XPO4: variants seen among roughly 807,000 people sequenced by gnomAD.
XPO4 encodes the protein exportin-4.
A neutral mutation model predicts 143.0 loss-of-function variants in XPO4; 39 were observed. The observed-to-expected ratio is 0.27, with a 90% CI of 0.21 to 0.36. The LOEUF (loss-of-function observed/expected upper bound fraction) is 0.36, where lower values mean the gene tolerates loss of function less well. Ranked by LOEUF, XPO4 falls within the 10% of genes least tolerant of loss-of-function variation. The probability of loss-of-function intolerance (pLI) is 1.00; values close to 1 mark genes in which losing one functional copy is unlikely to be tolerated. For missense variants in XPO4, 907 were observed against 1,348.0 expected, an observed-to-expected ratio of 0.67 and a Z score of 5.12; for synonymous variants, 439 against 474.0, an observed-to-expected ratio of 0.93 and a Z score of 0.96.
intron 1 of XPO4, among the ~76,000 whole-genome samples, chr13:20,871,624 T>C (rs1404970291): frequency 6.6e-6 from 1 of 152,256 alleles, no homozygotes; most frequent in Non-Finnish European, 1.5e-5. Context: ...CATGTTATAC[T>C]GCTACAAATA....
intron 9 of XPO4, among the ~76,000 whole-genome samples, chr13:20,817,494 G>A (rs1024465480): frequency 2.6e-5 from 4 of 152,080 alleles, no homozygotes; most frequent in Non-Finnish European, 4.4e-5. Flanking sequence ...CTAGATGTAA[G>A]GTTCTTCCTT....
chr13:20,801,300 T>C (rs1425800538), intron 13 of XPO4, among the ~76,000 whole-genome samples: 2 of 152,220 alleles, frequency 1.3e-5, no homozygotes, highest in African/African-American at 4.8e-5. Context: ...TTTCAGATTT[T>C]CAGGAGAAAT....
chr13:20,843,948 C>T, intron 4 of XPO4, 62 bp from the exon 5 acceptor site: 1 of 1,261,346 alleles, frequency 7.9e-7, no homozygotes, highest in Non-Finnish European at 1.2e-6. Flanking sequence ...TGTTTCAATG[C>T]ATTTGTTCAA....
At chr13:20,874,016 T>C (rs779570745) in intron 1 of XPO4, among the ~76,000 whole-genome samples, 6 of 152,208 alleles carry the variant, frequency 3.9e-5, no homozygotes, top group Admixed American at 6.5e-5. Flanking sequence ...AATTGTTGCA[T>C]GCCCAAGATG....
intron 9 of XPO4, among the ~76,000 whole-genome samples, chr13:20,813,561 C>T (rs751479886): frequency 2.2e-4 from 34 of 152,136 alleles, no homozygotes; most frequent in Non-Finnish European, 4.0e-4. Flanking sequence ...ACACGTAATA[C>T]ACTGGTCCAA....
At chr13:20,841,042 A>G (rs1188905121) in intron 6 of XPO4, among the ~76,000 whole-genome samples, 1 of 152,216 alleles carries the variant, frequency 6.6e-6, no homozygotes, top group Non-Finnish European at 1.5e-5. Context: ...CCAAACTCCC[A>G]GAGAACTATT....
intron 1 of XPO4, among the ~76,000 whole-genome samples, chr13:20,900,783 T>C (rs1313444157): frequency 1.4e-5 from 2 of 138,294 alleles, no homozygotes; most frequent in Admixed American, 7.2e-5. Context: ...GGCTAATTTT[T>C]ATATTTTTAG....
At chr13:20,827,700 C>T (rs1236396327) in intron 6 of XPO4, among the ~76,000 whole-genome samples, 1 of 151,942 alleles carries the variant, frequency 6.6e-6, no homozygotes, top group Non-Finnish European at 1.5e-5. Flanking sequence ...AGAAAAAAAA[C>T]TCCCACAGGT....
chr13:20,870,692 T>C (rs1160958586), intron 1 of XPO4, among the ~76,000 whole-genome samples: 2 of 150,336 alleles, frequency 1.3e-5, no homozygotes, highest in Non-Finnish European at 2.9e-5. Flanking sequence ...ATCGCGCCAC[T>C]GCACTAGAGC....
At chr13:20,854,472 G>A (rs2060122066) in intron 4 of XPO4, among the ~76,000 whole-genome samples, 1 of 152,158 alleles carries the variant, frequency 6.6e-6, no homozygotes, top group Non-Finnish European at 1.5e-5. Context: ...AGGGGCCACT[G>A]AAGACAAAAG....
intron 5 of XPO4, 66 bp downstream of exon 5, chr13:20,843,704 T>C: frequency 8.9e-7 from 1 of 1,119,706 alleles, no homozygotes; most frequent in Non-Finnish European, 1.3e-6. Flanking sequence ...CTCATGTCAT[T>C]AGGAATAGAT....
chr13:20,827,313 T>C (rs570368519), intron 6 of XPO4, 134 bp from the exon 7 acceptor site: 1 of 626,828 alleles, frequency 1.6e-6, no homozygotes, highest in South Asian at 1.8e-5. Context: ...ATATGCTACA[T>C]AATTCATCCA....
At chr13:20,901,795 G>C (rs2060622642) in intron 1 of XPO4, among the ~76,000 whole-genome samples, 1 of 152,170 alleles carries the variant, frequency 6.6e-6, no homozygotes, top group African/African-American at 2.4e-5. Context: ...AATCAATCCA[G>C]GTATCAAATG....
At chr13:20,895,200 AT>A (rs1379037779) in intron 1 of XPO4, among the ~76,000 whole-genome samples, 2 of 152,170 alleles carry the variant, frequency 1.3e-5, no homozygotes, top group African/African-American at 4.8e-5. Context: ...ATAGAAATGC[AT>A]GCAACATTCA....
At chr13:20,821,601 C>T in intron 9 of XPO4, 103 bp downstream of exon 9, 1 of 1,265,328 alleles carries the variant, frequency 7.9e-7, no homozygotes, top group Non-Finnish European at 1.1e-6. Context: ...TTAACAATAG[C>T]CAGCACTCAC....
intron 6 of XPO4, among the ~76,000 whole-genome samples, chr13:20,829,023 T>G (rs1343318363): frequency 6.6e-6 from 1 of 152,218 alleles, no homozygotes; most frequent in Non-Finnish European, 1.5e-5. Flanking sequence ...TCTTTGAAAT[T>G]TTCCACAATA....
chr13:20,868,439 T>C (rs1405476088), intron 2 of XPO4, 157 bp downstream of exon 2: 1 of 1,162,374 alleles, frequency 8.6e-7, no homozygotes, highest in African/African-American at 1.6e-5. Flanking sequence ...TTACAGAATA[T>C]CTTTAAAGCT....
chr13:20,844,355 G>A (rs550385691), intron 4 of XPO4, among the ~76,000 whole-genome samples: 9 of 152,200 alleles, frequency 5.9e-5, no homozygotes, highest in Admixed American at 3.9e-4. Context: ...GATGAAAAGT[G>A]AAACAGATTT....
intron 4 of XPO4, chr13:20,852,152 A>G: frequency 1.0e-6 from 1 of 985,438 alleles, no homozygotes. Context: ...TGATCACCAA[A>G]CTAACAAGGG....
Sources: gnomAD v4.1 joint callset for allele counts (sites outside exome capture counted in the v4.1 genomes callset) on GRCh38, gnomAD v4.1.1 for gene constraint, MANE v1.5 for transcripts, NCBI Gene and HGNC (gene_info 2026-07-23, HGNC 2026-07-21) for gene names.